The following RPS11 variants were observed in gnomAD, a reference collection of about 807,000 sequenced individuals.
RPS11 encodes small ribosomal subunit protein uS17.
For missense variants in RPS11, 127 were observed against 211.4 expected (o/e 0.60, Z 2.48); for synonymous variants, 107 against 78.0 (o/e 1.37, Z -1.96).
At chr19:49,498,560 T>G (rs900079956) in intron 4 of RPS11, among the ~76,000 whole-genome samples, 1 of 152,150 alleles carries the variant, frequency 6.6e-6, no homozygotes, top group African/African-American at 2.4e-5. Context: ...GAGACCAGCC[T>G]GGGCAACATG....
chr19:49,498,177 A>C, intron 4 of RPS11, 131 bp downstream of exon 4: 1 of 979,426 alleles, frequency 1.0e-6, no homozygotes, highest in Non-Finnish European at 1.6e-6. Context: ...CCAGAATCTC[A>C]GGATTTGTAT....
At chr19:49,497,681 G>A (rs757044888) in intron 3 of RPS11, 86 bp downstream of exon 3, 7 of 1,341,624 alleles carry the variant, frequency 5.2e-6, no homozygotes, top group Admixed American at 3.4e-5. Context: ...TGGGTGAGAG[G>A]GGTGGTTAGG....
chr19:49,497,538 A>T lies in RPS11; in HGVS notation c.166A>T (p.Ile56Phe). The T allele has an allele frequency of 6.2e-7, 1 of 1,613,918 alleles. No homozygotes were observed. Among genetic ancestry groups the T allele is most frequent in the Non-Finnish European group, 8.5e-7 (1 of 1,179,956 alleles). Residue 56 changes from isoleucine (I) to phenylalanine (F), a missense_variant, in exon 3 of 5, where the codon ATT becomes TTT. Physicochemically the swap from Ile to Phe is conservative, Grantham distance 21. Coordinates refer to ENST00000270625, the MANE Select transcript of RPS11 (RefSeq NM_001015.5). Reference sequence around the variant, plus strand: ...CTTTCAGGCTATTGAGGGCACCTACATTGACAAGAAATGCCCCTTCACTGG... The same window carrying T: ...CTTTCAGGCTATTGAGGGCACCTACTTTGACAAGAAATGCCCCTTCACTGG... ...TPKEAIEGTY[I>F]DKKCPFTGNV...
At chr19:49,497,870 G>C in intron 3 of RPS11, 47 bp from the exon 4 acceptor site, 1 of 1,613,508 alleles carries the variant, frequency 6.2e-7, no homozygotes, top group East Asian at 2.2e-5. Flanking sequence ...GTTACCTATG[G>C]CCCTCTTTCC....
chr19:49,496,454 A>G lies in RPS11; in HGVS notation c.-3A>G. On this transcript the variant is annotated 5_prime_UTR_variant, in exon 1 of 5. Coordinates refer to ENST00000270625, the MANE Select transcript of RPS11 (RefSeq NM_001015.5). ...CCTTTCTTTTTTTCAGGCGGCCGGG[A>G]AGATGGCGGACATTCAGGTGCGGAC... 6.2e-7 allele frequency: 1 copy of G among 1,612,034 alleles called. No homozygotes were observed. The highest frequency in any genetic ancestry group is 2.2e-5 in the East Asian group (1 of 44,570).
chr19:49,497,879 C>G (rs375919672), intron 3 of RPS11, 38 bp from the exon 4 acceptor site: 6 of 1,613,752 alleles, frequency 3.7e-6, no homozygotes, highest in African/African-American at 1.3e-5. Context: ...GGCCCTCTTT[C>G]CCATGGGACC....
chr19:49,498,752 C>T (rs889915530), intron 4 of RPS11, among the ~76,000 whole-genome samples: 1 of 151,968 alleles, frequency 6.6e-6, no homozygotes, highest in Non-Finnish European at 1.5e-5. Context: ...CCTGTCTCTC[C>T]CACACACACA....
intron 1 of RPS11, 35 bp downstream of exon 1, chr19:49,496,506 T>G: frequency 6.2e-7 from 1 of 1,601,700 alleles, no homozygotes; most frequent in Non-Finnish European, 8.5e-7. Flanking sequence ...GGGTGCGGGG[T>G]CCGCCTTGGC....
At chr19:49,496,534 G>A in intron 1 of RPS11, 63 bp downstream of exon 1, 2 of 1,528,234 alleles carry the variant, frequency 1.3e-6, no homozygotes, top group East Asian at 2.4e-5. Context: ...GGCGCGTCCG[G>A]GAGGGCAGAG....
rs2122639079 is a variant in RPS11, at chr19:49,498,060, C to G, written c.353+14C>G. On this transcript the variant is annotated intron_variant, in intron 4 of 4. Coordinates refer to ENST00000270625, the MANE Select transcript of RPS11 (RefSeq NM_001015.5). ...CCCCTGCTTCAGGTGAGCGCAGTGG[C>G]CCATCAGGTTGCTCAGGCCACGCTC... The G allele has an allele frequency of 1.9e-6, 3 of 1,611,854 alleles. No individual in the cohort carries two copies. Among genetic ancestry groups the G allele is most frequent in the Middle Eastern group, 4.4e-4 (2 of 4,530 alleles).
chr19:49,496,583 T>C, intron 1 of RPS11, 112 bp downstream of exon 1: 1 of 1,188,940 alleles, frequency 8.4e-7, no homozygotes, highest in Non-Finnish European at 1.2e-6. Flanking sequence ...CGGGCGTCCG[T>C]GATTATTTTC....
intron 4 of RPS11, among the ~76,000 whole-genome samples, chr19:49,498,656 G>A (rs962374014): frequency 3.9e-5 from 6 of 152,140 alleles, no homozygotes; most frequent in African/African-American, 1.2e-4. Flanking sequence ...CGGCTGGGGT[G>A]GGAGGATTGC....
intron 4 of RPS11, among the ~76,000 whole-genome samples, chr19:49,498,781 C>T (rs1568692920): frequency 6.6e-6 from 1 of 152,098 alleles, no homozygotes; most frequent in African/African-American, 2.4e-5. Flanking sequence ...GATTTTGCAG[C>T]GTTTCAGAAT....
At position 49,497,961 on chromosome 19, in the gene RPS11, C is replaced by A. The variant is rs1313710045; in HGVS notation, c.268C>A (p.Arg90=). The part of the protein sequence containing the change: ...MKMQRTIVIR[R]DYLHYIRKYN... The stretch of plus-strand genomic sequence containing the variant: ...GATGCAGAGGACCATTGTCATCCGC[C>A]GAGACTATCTGCACTACATCCGCAA... The change falls in exon 4 of 5, where the codon CGA becomes AGA. Residue 90 remains arginine (R), a synonymous_variant. Coordinates refer to ENST00000270625, the MANE Select transcript of RPS11 (RefSeq NM_001015.5). 1 of 1,613,930 alleles carries A rather than the reference C, an allele frequency of 6.2e-7. No homozygotes were observed. Among genetic ancestry groups the A allele is most frequent in the African/African-American group, 1.3e-5 (1 of 74,906 alleles).
At chr19:49,499,049 A>G (rs143176779) in intron 4 of RPS11, among the ~76,000 whole-genome samples, 2 of 152,320 alleles carry the variant, frequency 1.3e-5, no homozygotes, top group Non-Finnish European at 2.9e-5. Flanking sequence ...AAGTATAACC[A>G]GAATGGGGAT....
rs112641441 is a variant in RPS11, at chr19:49,499,691, G to A, written c.*56G>A. ...AATAAAGTTATTTTCTCATTCCCAG[G>A]CCAGACTTGGGATCTTCCGCGCCTT... On this transcript the variant is annotated 3_prime_UTR_variant, in exon 5 of 5. Transcript: ENST00000270625. 1.1e-5 allele frequency: 18 copies of A among 1,585,532 alleles called. No individual in the cohort carries two copies. Among genetic ancestry groups the A allele is most frequent in the Admixed American group, 1.7e-5 (1 of 59,104 alleles).
chr19:49,498,683 G>A (rs992065944), intron 4 of RPS11, among the ~76,000 whole-genome samples: 1 of 152,166 alleles, frequency 6.6e-6, no homozygotes, highest in Non-Finnish European at 1.5e-5. Context: ...CCAGAAAGTG[G>A]AGGCTGCAGT....
Position 49,497,512 on chromosome 19 carries a change from C to T in RPS11, c.148-8C>T, listed in dbSNP as rs368597223. On this transcript the variant is annotated splice_polypyrimidine_tract_variant and splice_region_variant and intron_variant, in intron 2 of 4. Transcript: ENST00000270625. The stretch of plus-strand genomic sequence containing the variant: ...AGGCTCACTCCTTTATCTTTCCTAT[C>T]CTTTCAGGCTATTGAGGGCACCTAC... 2.4e-5 allele frequency: 39 copies of T among 1,613,214 alleles called. No individual in the cohort carries two copies. The highest frequency in any genetic ancestry group is 3.2e-5 in the Non-Finnish European group (38 of 1,179,376).
chr19:49,499,386 T>C (rs952785416), intron 4 of RPS11, 126 bp from the exon 5 acceptor site: 3 of 1,003,194 alleles, frequency 3.0e-6, no homozygotes, highest in African/African-American at 3.2e-5. Context: ...AATTGGCGAG[T>C]AGAGCTTGGT....
Sources: gnomAD v4.1 joint callset for allele counts (sites outside exome capture counted in the v4.1 genomes callset) on GRCh38, gnomAD v4.1.1 for gene constraint, MANE v1.5 for transcripts, NCBI Gene and HGNC (gene_info 2026-07-23, HGNC 2026-07-21) for gene names.